The following SP140L variants were observed in gnomAD, a reference collection of about 807,000 sequenced individuals.
SP140L encodes SP140 like nuclear body protein, also known as nuclear body protein SP140-like protein.
SP140L carries 64 observed loss-of-function variants against 84.3 expected under a neutral mutation model. That is an observed-to-expected ratio of 0.76 (90% CI 0.62 to 0.94). The LOEUF (loss-of-function observed/expected upper bound fraction) is 0.94. Ranked by LOEUF, SP140L falls within the 40% of genes least tolerant of loss-of-function variation. The pLI, the probability that SP140L is intolerant of heterozygous loss-of-function variation, is 0.00. For missense variants in SP140L, 628 were observed against 692.5 expected (o/e 0.91, Z 1.05); for synonymous variants, 242 against 236.9 (o/e 1.02, Z -0.20).
intron 2 of SP140L, among the ~76,000 whole-genome samples, chr2:230,342,631 T>C (rs754647632): frequency 5.3e-5 from 8 of 152,242 alleles, no homozygotes; most frequent in Non-Finnish European, 8.8e-5. Flanking sequence ...TGGTAGGTTG[T>C]ATGTTTCTAG....
chr2:230,396,534 A>T (rs1336921372), intron 13 of SP140L, among the ~76,000 whole-genome samples: 1 of 152,128 alleles, frequency 6.6e-6, no homozygotes, highest in Non-Finnish European at 1.5e-5. Flanking sequence ...CCAGTTGGTA[A>T]ATTCTCTAGT....
chr2:230,390,608 A>G (rs2061761124), intron 11 of SP140L, among the ~76,000 whole-genome samples: 1 of 152,220 alleles, frequency 6.6e-6, no homozygotes, highest in Non-Finnish European at 1.5e-5. Context: ...TGAAAATTAT[A>G]AAACTGTCAA....
chr2:230,385,195 T>A, intron 8 of SP140L, 29 bp from the exon 9 acceptor site: 1 of 1,611,166 alleles, frequency 6.2e-7, no homozygotes, highest in Non-Finnish European at 8.5e-7. Context: ...CCCAGTTCTA[T>A]TAATACATTT....
At chr2:230,394,662 G>A (rs1051085938) in intron 13 of SP140L, among the ~76,000 whole-genome samples, 7 of 152,340 alleles carry the variant, frequency 4.6e-5, no homozygotes, top group African/African-American at 1.4e-4. Context: ...CTATTCAGGG[G>A]TGCAACACTT....
In SP140L at chr2:230,384,990, C is replaced by T. The variant is rs187543402; in HGVS notation, c.704-234C>T. ...AATTATTTGGACTGAGTCATTATAA[C>T]ATTTTCATTTAAGTCTGTGTGTATT... On this transcript the variant is annotated intron_variant, in intron 8 of 18. Transcript: ENST00000415673. Among the ~76,000 whole-genome samples the T allele has an allele frequency of 1.4e-4, 21 of 152,310 alleles. 1 individual carries two copies. In the East Asian group the frequency reaches 3.7e-3, roughly 27 times the overall value.
At position 230,361,674 on chromosome 2, in the gene SP140L, A is replaced by C; in HGVS notation, c.500A>C (p.Asp167Ala). The C allele has an allele frequency of 1.3e-6, 2 of 1,561,486 alleles. No individual in the cohort carries two copies. The highest frequency in any genetic ancestry group is 1.7e-6 in the Non-Finnish European group (2 of 1,151,714). The change falls in exon 5 of 19, where the codon GAC becomes GCC. Residue 167 changes from aspartate (D) to alanine (A), a missense_variant. Asp to Ala is a moderately radical substitution (Grantham distance 126, BLOSUM62 -2). Coordinates refer to ENST00000415673, the MANE Select transcript of SP140L (RefSeq NM_138402.6). ...CGAAAAGAAAGGGAAGAGAGGCCTG[A>C]CATCAAACTAAGTCTTAAACAAGGT... ...SDRKEREERPDIKLSLKQGEV... is the reference protein window; with the variant it reads ...SDRKEREERPAIKLSLKQGEV...
chr2:230,352,660 A>G (rs1055921540), intron 2 of SP140L, among the ~76,000 whole-genome samples: 1 of 152,168 alleles, frequency 6.6e-6, no homozygotes, highest in African/African-American at 2.4e-5. Flanking sequence ...TCTACTTCTC[A>G]TGAATTTTAT....
In SP140L at chr2:230,359,150, C is replaced by A; in HGVS notation, c.439+18C>A. The A allele has an allele frequency of 1.2e-6, 2 of 1,600,128 alleles. No homozygotes were observed. Among genetic ancestry groups the A allele is most frequent in the Non-Finnish European group, 1.7e-6 (2 of 1,176,014 alleles). On this transcript the variant is annotated intron_variant, in intron 4 of 18. Transcript: ENST00000415673. Reference sequence around the variant, plus strand: ...CAAAAATGGTAATTAGGTTTATTATCTACCTTTTGATTTCCGGGGCCAATT... The same window carrying A: ...CAAAAATGGTAATTAGGTTTATTATATACCTTTTGATTTCCGGGGCCAATT...
intron 7 of SP140L, among the ~76,000 whole-genome samples, chr2:230,378,421 C>A (rs1012874925): frequency 2.0e-5 from 3 of 152,122 alleles, no homozygotes; most frequent in African/African-American, 7.2e-5. Context: ...GGGTGAAGAG[C>A]AAAATTATCT....
intron 2 of SP140L, among the ~76,000 whole-genome samples, chr2:230,342,352 C>G (rs146775197): frequency 6.6e-6 from 1 of 152,220 alleles, no homozygotes; most frequent in Admixed American, 6.5e-5. Context: ...TGCTTCCGCT[C>G]GCGCACGGTG....
chr2:230,391,185 A>G (rs777089621), intron 11 of SP140L, among the ~76,000 whole-genome samples: 4 of 152,204 alleles, frequency 2.6e-5, no homozygotes, highest in Non-Finnish European at 5.9e-5. Flanking sequence ...TTGAACATTT[A>G]TGTAACAAAT....
intron 13 of SP140L, among the ~76,000 whole-genome samples, chr2:230,394,179 C>A (rs2061947671): frequency 6.6e-6 from 1 of 152,332 alleles, no homozygotes; most frequent in African/African-American, 2.4e-5. Flanking sequence ...AGGGACTGTG[C>A]AGACCTGCTT....
rs1253780839 is a variant in SP140L, at chr2:230,388,583, C to T, written c.809C>T (p.Thr270Ile). The T allele has an allele frequency of 5.6e-6, 9 of 1,608,920 alleles. No homozygotes were observed. The highest frequency in any genetic ancestry group is 3.4e-5 in the Admixed American group (2 of 59,338). The change falls in exon 10 of 19, where the codon ACC becomes ATC. Residue 270 changes from threonine (T) to isoleucine (I), a missense_variant. By Grantham distance (89) the Thr-to-Ile change is moderately conservative. This residue lies in a region of SP140L where 525 missense variants were observed against 518.4 expected (regional missense o/e 1.01). Transcript: ENST00000415673. ...IRGRKRGKPG[T>I]HFTQSDRAPQ... ...GGGAGAAAGAGAGGCAAACCTGGAACCCACTTTACTCAGAGTGACAGAGCT... is the reference window on the plus strand; with the variant it reads ...GGGAGAAAGAGAGGCAAACCTGGAATCCACTTTACTCAGAGTGACAGAGCT...
chr2:230,364,829 G>C (rs538968102), intron 5 of SP140L, among the ~76,000 whole-genome samples: 15 of 152,000 alleles, frequency 9.9e-5, no homozygotes, highest in Non-Finnish European at 2.1e-4. Flanking sequence ...TAACTATTTT[G>C]TTGAAAATTT....
chr2:230,328,036 A>G (rs2059628035), intron 1 of SP140L, among the ~76,000 whole-genome samples: 1 of 152,212 alleles, frequency 6.6e-6, no homozygotes, highest in Non-Finnish European at 1.5e-5. Flanking sequence ...CGAGTTTATA[A>G]ATAACATTAC....
intron 4 of SP140L, among the ~76,000 whole-genome samples, chr2:230,359,627 A>G (rs1381270738): frequency 2.6e-5 from 4 of 152,036 alleles, no homozygotes; most frequent in African/African-American, 9.7e-5. Flanking sequence ...CTGAGTTATA[A>G]GAGTTATCAG....
intron 7 of SP140L, among the ~76,000 whole-genome samples, chr2:230,381,205 T>C (rs2061394435): frequency 6.6e-6 from 1 of 152,164 alleles, no homozygotes; most frequent in Non-Finnish European, 1.5e-5. Context: ...TCTTTTTAGC[T>C]GGAACGTAAG....
At chr2:230,343,707 G>A (rs1390484623) in intron 2 of SP140L, among the ~76,000 whole-genome samples, 2 of 152,134 alleles carry the variant, frequency 1.3e-5, no homozygotes, top group Non-Finnish European at 2.9e-5. Flanking sequence ...CAGTGTAAAA[G>A]CATTTCTTTT....
intron 2 of SP140L, among the ~76,000 whole-genome samples, chr2:230,343,157 GC>G: frequency 8.5e-6 from 1 of 118,226 alleles, no homozygotes; most frequent in Non-Finnish European, 1.9e-5. Flanking sequence ...GTAAACATGT[GC>G]CATGGTGTTT....
Sources: allele counts gnomAD v4.1 joint callset (sites outside exome capture counted in the v4.1 genomes callset), GRCh38; gene constraint gnomAD v4.1.1; regional missense constraint gnomAD v4.1.1; transcripts MANE v1.5; gene names NCBI Gene and HGNC (gene_info 2026-07-23, HGNC 2026-07-21).